Variants in SCAI observed in about 807,000 individuals in gnomAD.
SCAI encodes the protein suppressor of cancer cell invasion, also known as protein SCAI.
SCAI carries 24 observed loss-of-function variants against 92.2 expected under a neutral mutation model. That is an observed-to-expected ratio of 0.26 (90% CI 0.19 to 0.37). The LOEUF is 0.37. SCAI is among the 10% of genes least tolerant of loss of function. The pLI, the probability that SCAI is intolerant of heterozygous loss-of-function variation, is 1.00. For synonymous variants in SCAI, 261 were observed against 258.6 expected (o/e 1.01, Z -0.09); for missense variants, 450 against 736.2 (o/e 0.61, Z 4.50).
chr9:124,985,474 TAAG>T (rs1344704623), intron 14 of SCAI, among the ~76,000 whole-genome samples: 4 of 152,200 alleles, frequency 2.6e-5, no homozygotes, highest in East Asian at 1.9e-4. Context: ...AAGTAATTTT[TAAG>T]AAGAAGAAGA....
intron 2 of SCAI, among the ~76,000 whole-genome samples, chr9:125,066,930 C>T (rs1833883545): frequency 6.6e-6 from 1 of 152,098 alleles, no homozygotes; most frequent in African/African-American, 2.4e-5. Context: ...AGCCCAGGAG[C>T]AACAGGCTAT....
Position 124,985,440 on chromosome 9 carries a change from C to T in SCAI, c.1327-9254G>A, listed in dbSNP as rs544363652. On this transcript the variant is annotated intron_variant, in intron 14 of 17. Transcript: ENST00000336505. ...CCTCTCTGAATAAAGGTATCCTCAT[C>T]CTAGGGCTCTATGAACTTCATACAA... is the stretch of plus-strand genomic sequence containing the variant. Among the ~76,000 whole-genome samples the T allele has an allele frequency of 1.2e-4, 18 of 152,188 alleles. No individual in the cohort carries two copies. The South Asian group carries it at 3.5e-3, about 30-fold the overall frequency.
chr9:124,976,103 A>AG lies in SCAI; in HGVS notation c.1399+10dup, dbSNP rs1405380693. 9.5e-6 allele frequency: 15 copies of AG among 1,573,606 alleles called. No homozygotes were observed. The highest frequency in any genetic ancestry group is 1.2e-5 in the Non-Finnish European group (14 of 1,143,218). ...CAACCTATGGCTATACCAGGCAATG[A>AG]GGGTACATACCTTGTAAAGCTTTTG... On this transcript the variant is annotated intron_variant, in intron 15 of 17. Transcript: ENST00000336505.
In SCAI at chr9:125,018,760, A is replaced by G. The variant is rs201807396; in HGVS notation, c.861+39T>C. On this transcript the variant is annotated intron_variant, in intron 9 of 17. Transcript: ENST00000336505. ...GTGATCATCAATAGCACTATTTTTCACAGTGAATTTTAAGCATAATTCCTT... is the reference window on the plus strand; with the variant it reads ...GTGATCATCAATAGCACTATTTTTCGCAGTGAATTTTAAGCATAATTCCTT... 10 of 1,537,170 alleles carry G rather than the reference A, an allele frequency of 6.5e-6. No homozygotes were observed. In the East Asian group the frequency reaches 1.8e-4, roughly 28 times the overall value.
chr9:125,060,764 C>G (rs1428837433), intron 2 of SCAI, among the ~76,000 whole-genome samples: 1 of 152,204 alleles, frequency 6.6e-6, no homozygotes, highest in Non-Finnish European at 1.5e-5. Flanking sequence ...GCCTTCCCAG[C>G]CATGTGGACC....
At chr9:125,035,990 T>C (rs2131099377) in intron 3 of SCAI, among the ~76,000 whole-genome samples, 1 of 152,258 alleles carries the variant, frequency 6.6e-6, no homozygotes, top group Middle Eastern at 3.4e-3. Flanking sequence ...AATAAACTTG[T>C]TTTTACTTTA....
At chr9:125,122,167 G>A (rs1835167952) in intron 2 of SCAI, among the ~76,000 whole-genome samples, 1 of 152,232 alleles carries the variant, frequency 6.6e-6, no homozygotes, top group Non-Finnish European at 1.5e-5. Context: ...TCAGGAATGT[G>A]ATTACACTAG....
At chr9:125,134,440 C>A (rs569998616) in intron 2 of SCAI, among the ~76,000 whole-genome samples, 17 of 152,292 alleles carry the variant, frequency 1.1e-4, no homozygotes, top group African/African-American at 3.4e-4. Context: ...AAACAAATTA[C>A]ATACAACAAC....
chr9:124,961,829 A>G (rs1831441647), intron 17 of SCAI, among the ~76,000 whole-genome samples: 1 of 151,768 alleles, frequency 6.6e-6, no homozygotes, highest in African/African-American at 2.4e-5. Context: ...ATCCATGTAT[A>G]ACTTTTAACT....
At chr9:125,044,757 A>T (rs1188892959) in intron 3 of SCAI, among the ~76,000 whole-genome samples, 1 of 152,100 alleles carries the variant, frequency 6.6e-6, no homozygotes, top group East Asian at 1.9e-4. Flanking sequence ...GGGAGTTCAG[A>T]CCTATGGGCT....
chr9:125,005,121 C>T (rs527340789), intron 9 of SCAI, among the ~76,000 whole-genome samples: 22 of 151,886 alleles, frequency 1.4e-4, no homozygotes, highest in African/African-American at 5.3e-4. Flanking sequence ...TTCTTCCATA[C>T]ATTTTGGCAC....
At chr9:125,042,615 A>ATGTGTGTGTG (rs150983142) in intron 3 of SCAI, among the ~76,000 whole-genome samples, 2,214 of 104,988 alleles carry the variant, frequency 0.021, 50 homozygotes, top group Middle Eastern at 0.054. Context: ...CCACCAGAGT[A>ATGTGTGTGTG]TGTGTGTGTG....
intron 2 of SCAI, among the ~76,000 whole-genome samples, chr9:125,075,476 G>A (rs939008745): frequency 1.3e-5 from 2 of 150,358 alleles, no homozygotes; most frequent in African/African-American, 4.9e-5. Context: ...CCGGCTCACT[G>A]CAACCTCTGC....
At chr9:124,961,954 T>G (rs569939575) in intron 17 of SCAI, among the ~76,000 whole-genome samples, 1 of 151,818 alleles carries the variant, frequency 6.6e-6, no homozygotes, top group South Asian at 2.1e-4. Context: ...TTCCCCTCAG[T>G]GGCACCTGGG....
At chr9:125,028,554 G>A in intron 4 of SCAI, 76 bp from the exon 5 acceptor site, 1 of 683,700 alleles carries the variant, frequency 1.5e-6, no homozygotes, top group South Asian at 2.4e-5. Flanking sequence ...AAATTCAATA[G>A]GATAAAATAC....
intron 3 of SCAI, among the ~76,000 whole-genome samples, chr9:125,050,470 A>C (rs1303844466): frequency 2.0e-5 from 3 of 152,056 alleles, no homozygotes; most frequent in Non-Finnish European, 4.4e-5. Context: ...GCCAATACAC[A>C]CCTCCAACCC....
chr9:125,007,969 C>T (rs974707474), intron 9 of SCAI, among the ~76,000 whole-genome samples: 3 of 151,966 alleles, frequency 2.0e-5, no homozygotes, highest in Admixed American at 6.6e-5. Context: ...CCTCAGCCTC[C>T]GGAGTAGCTG....
In SCAI at chr9:125,004,602, T is replaced by C. The variant is rs1437998907; in HGVS notation, c.862-1032A>G. Among the ~76,000 whole-genome samples, 3 of 150,222 alleles carry C rather than the reference T, an allele frequency of 2.0e-5. No individual in the cohort carries two copies. The East Asian group carries it at 6.0e-4, about 30-fold the overall frequency. On this transcript the variant is annotated intron_variant, in intron 9 of 17. Transcript: ENST00000336505. Reference sequence around the variant, plus strand: ...CCTCAGCCTCCCAAAGTGCTAGGAATACAGGCATAAGCCACGATTCCTGAC... The same window carrying C: ...CCTCAGCCTCCCAAAGTGCTAGGAACACAGGCATAAGCCACGATTCCTGAC...
intron 14 of SCAI, among the ~76,000 whole-genome samples, chr9:124,984,528 A>G (rs1831948964): frequency 6.6e-6 from 1 of 152,184 alleles, no homozygotes; most frequent in African/African-American, 2.4e-5. Flanking sequence ...GGATATACAT[A>G]TTAGTTCGAG....
Sources: allele counts gnomAD v4.1 joint callset (sites outside exome capture counted in the v4.1 genomes callset), GRCh38; gene constraint gnomAD v4.1.1; transcripts MANE v1.5; gene names NCBI Gene and HGNC (gene_info 2026-07-23, HGNC 2026-07-21).